TPPP2: variants seen among roughly 807,000 people sequenced by gnomAD.
The protein encoded by TPPP2 is tubulin polymerization promoting protein family member 2, also known as tubulin polymerization-promoting protein family member 2.
Under a neutral mutation model 13.0 loss-of-function variants are expected in TPPP2, and 8 were observed. That is an observed-to-expected ratio of 0.62 (90% CI 0.36 to 1.11). TPPP2 has a LOEUF of 1.11. Among genes scored for constraint, TPPP2 ranks in the 50% most tolerant of loss-of-function variants. TPPP2 has a pLI of 0.02. For missense variants in TPPP2, 213 were observed against 216.9 expected, an observed-to-expected ratio of 0.98 and a Z score of 0.11; for synonymous variants, 81 against 81.8, an observed-to-expected ratio of 0.99 and a Z score of 0.05.
chr14:21,034,689 G>A (rs1173961728), downstream of TPPP2: 4 of 191,158 alleles, frequency 2.1e-5, no homozygotes, highest in East Asian at 5.3e-4. Context: ...AGGAAGGACA[G>A]GAGCTGAAGA....
chr14:21,025,250 G>A (rs1034876840), upstream of TPPP2: 4 of 846,534 alleles, frequency 4.7e-6, no homozygotes, highest in East Asian at 4.9e-4. This position sits in a 1 kb window ranked among gnomAD's most constrained non-coding sequence, Gnocchi z 5.1. Context: ...CGAGGGGCGG[G>A]CGGCTGGACG....
In TPPP2 at chr14:21,024,618, G is replaced by A. The variant is rs114484261; in HGVS notation, n.236+274G>A. 1.9e-3 allele frequency: 1,853 copies of A among 983,980 alleles called. 25 individuals are homozygous for A. In the African/African-American group the frequency reaches 0.028, roughly 15 times the overall value. The allele number at this position is 983,980 out of a possible 1,614,324, so 61.0% of individuals were successfully genotyped here. On this transcript the variant is annotated intron_variant and non_coding_transcript_variant, in intron 1 of 1. Coordinates refer to the TPPP2 transcript ENST00000533755. ...TACTCAGTCTCCGTGTAGGTCCCAC[G>A]AGTGGAGAAAGGGAGAGGAGAGCGG...
rs1004100468 is a variant in TPPP2 at position 21,030,859 on chromosome 14, C to A, written c.173+105C>A. On this transcript the variant is annotated intron_variant, in intron 2 of 3. Transcript: ENST00000321760. The stretch of plus-strand genomic sequence containing the variant: ...CATTTGCAGTGGGCCTACCAAGCAC[C>A]ACAGGGTACCTGGCGCTGTGCTATC... 5.9e-6 allele frequency: 9 copies of A among 1,513,496 alleles called. No homozygotes were observed. The South Asian group carries it at 1.1e-4, about 19-fold the overall frequency. 93.8% of individuals were successfully genotyped at this position (1,513,496 alleles called of 1,614,324 possible).
rs1883276539 is a variant in TPPP2 at position 21,025,210 on chromosome 14, T to C, written n.236+866T>C. The stretch of plus-strand genomic sequence containing the variant: ...CCTTTCACCCCGCCCAGACTGCCGC[T>C]CAGGAAAGGGTTGTGCTGGGGCCGG... On this transcript the variant is annotated intron_variant and non_coding_transcript_variant, in intron 1 of 1. Coordinates refer to the TPPP2 transcript ENST00000533755. This position sits in a 1 kb window ranked among gnomAD's most constrained non-coding sequence, Gnocchi z 5.1. 1 of 859,206 alleles carries C rather than the reference T, an allele frequency of 1.2e-6. No individual in the cohort carries two copies. The highest frequency in any genetic ancestry group is 5.3e-5 in the South Asian group (1 of 18,758). The allele number at this position is 859,206 out of a possible 1,614,324, so 53.2% of individuals were successfully genotyped here. A position where few individuals can be genotyped will look rare whatever the true frequency, so the allele number is the denominator to read the frequency against.
chr14:21,030,827 G>A, intron 2 of TPPP2, 73 bp downstream of exon 2: 1 of 1,563,106 alleles, frequency 6.4e-7, no homozygotes, highest in Non-Finnish European at 8.7e-7. Context: ...GGGTTCACGT[G>A]GTGGAACATT....
At chr14:21,025,302 C>G (rs528074121), upstream of TPPP2, 284 of 955,780 alleles carry the variant, frequency 3.0e-4, no homozygotes, top group African/African-American at 4.7e-3. This position sits in a 1 kb window ranked among gnomAD's most constrained non-coding sequence, Gnocchi z 5.1. Flanking sequence ...TCCACCACCC[C>G]CTCCCCGCAT....
chr14:21,024,727 G>A, intron 1 of TPPP2: 1 of 985,448 alleles, frequency 1.0e-6, no homozygotes, highest in Non-Finnish European at 1.2e-6. Flanking sequence ...GAGGAGACCG[G>A]CCGGGCCCAG....
chr14:21,025,672 G>C (rs1055281787), upstream of TPPP2: 1 of 985,242 alleles, frequency 1.0e-6, no homozygotes, highest in African/African-American at 1.7e-5. This position sits in a 1 kb window ranked among gnomAD's most constrained non-coding sequence, Gnocchi z 5.1. Flanking sequence ...CCAGAGTCCT[G>C]GTACCTCTCC....
upstream of TPPP2, among the ~76,000 whole-genome samples, chr14:21,027,228 G>T (rs1411632405): frequency 1.3e-5 from 2 of 152,224 alleles, no homozygotes; most frequent in African/African-American, 4.8e-5. Flanking sequence ...TGTCAGGGCA[G>T]CTCCCAGCCC....
Position 21,032,306 on chromosome 14 carries a change from T to G in TPPP2, c.*229T>G. 1 of 627,398 alleles carries G rather than the reference T, an allele frequency of 1.6e-6. No individual in the cohort carries two copies. The highest frequency in any genetic ancestry group is 3.0e-6 in the Non-Finnish European group (1 of 337,248). The allele number at this position is 627,398 out of a possible 1,614,324, so 38.9% of individuals were successfully genotyped here. On this transcript the variant is annotated 3_prime_UTR_variant, in exon 4 of 4. Coordinates refer to ENST00000321760, the MANE Select transcript of TPPP2 (RefSeq NM_173846.5). ...TATGCCTACCAGCCATCAGTTAGCATTCCTCCTCAACAGCTGCTTCCAAGA... is the reference window on the plus strand; with the variant it reads ...TATGCCTACCAGCCATCAGTTAGCAGTCCTCCTCAACAGCTGCTTCCAAGA...
In TPPP2 at chr14:21,025,161, C is replaced by T. The variant is rs540943432; in HGVS notation, n.236+817C>T. 6.7e-4 allele frequency: 635 copies of T among 948,056 alleles called. 4 individuals are homozygous for T. The African/African-American group carries it at 9.8e-3, about 15-fold the overall frequency. 58.7% of individuals were successfully genotyped at this position (948,056 alleles called of 1,614,324 possible). A position where few individuals can be genotyped will look rare whatever the true frequency, so the allele number is the denominator to read the frequency against. On this transcript the variant is annotated intron_variant and non_coding_transcript_variant, in intron 1 of 1. Coordinates refer to the TPPP2 transcript ENST00000533755. The surrounding 1 kb of genome is among the most constrained non-coding windows in gnomAD (Gnocchi z 5.1). ...CGCTAGGCTCCCCGCAGACCCGCCC[C>T]AGACCCCCAGTAAACACGCCCCCCC...
At position 21,032,657 on chromosome 14, in the gene TPPP2, T is replaced by C. The variant is rs1470242055; in HGVS notation, c.*580T>C. ...CAACACCCAGCCCAGAACTAAGTTT[T>C]ACCCCACATCACCTCCATCATGGGG... On this transcript the variant is annotated 3_prime_UTR_variant, in exon 4 of 4. Transcript: ENST00000321760. The C allele has an allele frequency of 2.9e-6, 1 of 342,374 alleles. No individual in the cohort carries two copies. The highest frequency in any genetic ancestry group is 5.6e-6 in the Non-Finnish European group (1 of 177,086). 21.2% of individuals were successfully genotyped at this position (342,374 alleles called of 1,614,324 possible).
downstream of TPPP2, chr14:21,032,906 C>T: frequency 6.6e-6 from 3 of 455,278 alleles, no homozygotes; most frequent in African/African-American, 2.0e-5. Context: ...GTGCCCTTCA[C>T]CCAGTTTCCC....
At chr14:21,035,565 G>C (rs973182840), downstream of TPPP2, among the ~76,000 whole-genome samples, 5 of 152,182 alleles carry the variant, frequency 3.3e-5, no homozygotes, top group African/African-American at 1.2e-4. Context: ...TCTTAGGAGA[G>C]CCTTTTTACC....
At chr14:21,024,581 G>C (rs1882729148) in intron 1 of TPPP2, 3 of 985,346 alleles carry the variant, frequency 3.0e-6, no homozygotes, top group Non-Finnish European at 3.6e-6. Context: ...TGGTGCCGTC[G>C]CTTCTCTCCT....
At position 21,025,207 on chromosome 14, in the gene TPPP2, C is replaced by A. The variant is rs1282924001; in HGVS notation, n.236+863C>A. On this transcript the variant is annotated intron_variant and non_coding_transcript_variant, in intron 1 of 1. Coordinates refer to the TPPP2 transcript ENST00000533755. The surrounding 1 kb of genome is among the most constrained non-coding windows in gnomAD (Gnocchi z 5.1). ...CCCCCTTTCACCCCGCCCAGACTGCCGCTCAGGAAAGGGTTGTGCTGGGGC... is the reference window on the plus strand; with the variant it reads ...CCCCCTTTCACCCCGCCCAGACTGCAGCTCAGGAAAGGGTTGTGCTGGGGC... The A allele has an allele frequency of 9.2e-6, 8 of 868,422 alleles. No individual in the cohort carries two copies. The highest frequency in any genetic ancestry group is 1.2e-4 in the East Asian group (1 of 8,282). The allele number at this position is 868,422 out of a possible 1,614,324, so 53.8% of individuals were successfully genotyped here. A position where few individuals can be genotyped will look rare whatever the true frequency, so the allele number is the denominator to read the frequency against.
chr14:21,035,984 A>G, downstream of TPPP2: 1 of 384,268 alleles, frequency 2.6e-6, no homozygotes, highest in Admixed American at 3.2e-5. Context: ...AAACCACTGA[A>G]AGCTTCCTTG....
downstream of TPPP2, chr14:21,033,309 A>G (rs1884369617): frequency 3.2e-6 from 1 of 311,308 alleles, no homozygotes; most frequent in Non-Finnish European, 6.2e-6. Context: ...TGAGGCTAAC[A>G]TGAGTCTGAG....
Position 21,031,074 on chromosome 14 carries a change from A to G in TPPP2, c.236A>G (p.Gln79Arg). The change falls in exon 3 of 4, where the codon CAG (glutamine) becomes CGG (arginine). Residue 79 changes from glutamine (Q) to arginine (R), a missense_variant. Gln to Arg is a conservative substitution (Grantham distance 43, BLOSUM62 1). Coordinates refer to ENST00000321760, the MANE Select transcript of TPPP2 (RefSeq NM_173846.5). The part of the protein sequence containing the change: ...QFKEAVKELG[Q>R]KRFKGKSPDE... ...AAAGAGGCAGTGAAGGAACTGGGCCAGAAGCGCTTCAAAGGGAAGAGTCCA... is the reference window on the plus strand; with the variant it reads ...AAAGAGGCAGTGAAGGAACTGGGCCGGAAGCGCTTCAAAGGGAAGAGTCCA... The G allele has an allele frequency of 6.2e-7, 1 of 1,614,216 alleles. No individual in the cohort carries two copies.
Sources: allele counts gnomAD v4.1 joint callset (sites outside exome capture counted in the v4.1 genomes callset), GRCh38; gene constraint gnomAD v4.1.1; non-coding constraint Gnocchi (gnomAD v3.1); transcripts MANE v1.5; gene names NCBI Gene and HGNC (gene_info 2026-07-23, HGNC 2026-07-21).